The following IL16 variants were observed in gnomAD, a reference collection of about 807,000 sequenced individuals.
The protein encoded by IL16 is pro-interleukin-16.
Under a neutral mutation model 110.1 loss-of-function variants are expected in IL16, and 67 were observed. The ratio of observed to expected loss-of-function variants is 0.61; its 90% confidence interval spans 0.50 to 0.75. The LOEUF (loss-of-function observed/expected upper bound fraction) is 0.75. IL16 is among the 30% of genes least tolerant of loss of function. The pLI, the probability that IL16 is intolerant of heterozygous loss-of-function variation, is 0.00. For synonymous variants in IL16, 689 were observed against 662.9 expected, an observed-to-expected ratio of 1.04 and a Z score of -0.61; for missense variants, 1,545 against 1,655.0, an observed-to-expected ratio of 0.93 and a Z score of 1.15.
At chr15:81,216,055 A>G (rs912801295) in intron 1 of IL16, among the ~76,000 whole-genome samples, 1 of 152,150 alleles carries the variant, frequency 6.6e-6, no homozygotes, top group Admixed American at 6.5e-5. Context: ...TGCAGAACAG[A>G]TGTGCATCAT....
chr15:81,306,293 G>T, intron 17 of IL16, 127 bp downstream of exon 17: 1 of 1,519,728 alleles, frequency 6.6e-7, no homozygotes. Context: ...TACACTGCCT[G>T]AGACGTGTTT....
At chr15:81,278,559 G>A (rs1227201269) in intron 6 of IL16, among the ~76,000 whole-genome samples, 2 of 152,202 alleles carry the variant, frequency 1.3e-5, no homozygotes, top group African/African-American at 4.8e-5. Flanking sequence ...AGGTGGGCAA[G>A]GACCATATCC....
Position 81,303,575 on chromosome 15 carries a change from C to A in IL16, c.3345C>A (p.Ile1115=). The change falls in exon 16 of 19, where the codon ATC becomes ATA. Residue 1115 remains isoleucine, a synonymous_variant. Transcript: ENST00000683961. The surrounding 1 kb of genome is among the most constrained non-coding windows in gnomAD (Gnocchi z 4.1). ...LKQLDGIHVT[I]LHKEEGAGLG... The stretch of plus-strand genomic sequence containing the variant: ...AATTAGACGGCATCCATGTCACCAT[C>A]TTACACAAGGAGGAAGGTGCTGGTC... 6.2e-7 allele frequency: 1 copy of A among 1,613,812 alleles called. No individual in the cohort carries two copies. The highest frequency in any genetic ancestry group is 8.5e-7 in the Non-Finnish European group (1 of 1,179,636).
At chr15:81,237,501 A>G (rs780737556) in intron 2 of IL16, among the ~76,000 whole-genome samples, 2 of 152,220 alleles carry the variant, frequency 1.3e-5, no homozygotes, top group Non-Finnish European at 2.9e-5. Flanking sequence ...ATGAATTTGT[A>G]AGATGTATAC....
chr15:81,231,165 T>C (rs73499352), intron 2 of IL16, among the ~76,000 whole-genome samples: 12,131 of 151,620 alleles, frequency 0.08, 1,131 homozygotes, highest in African/African-American at 0.23. Flanking sequence ...AGCATAACAA[T>C]ATAACATAAT....
intron 6 of IL16, among the ~76,000 whole-genome samples, chr15:81,276,086 C>T (rs1898896391): frequency 6.6e-6 from 1 of 152,214 alleles, no homozygotes. Context: ...GTCTATCCTT[C>T]TTTCAGCACA....
chr15:81,303,381 A>G lies in IL16; in HGVS notation c.3319-168A>G, dbSNP rs1900391242. On this transcript the variant is annotated intron_variant, in intron 15 of 18. Transcript: ENST00000683961. This position sits in a 1 kb window ranked among gnomAD's most constrained non-coding sequence, Gnocchi z 4.1. ...TCTTCTAAGCTTCCCATGACTCCTG[A>G]AGGTCCATTCTTTACAGATGAGGAA... 1 of 588,328 alleles carries G rather than the reference A, an allele frequency of 1.7e-6. No individual in the cohort carries two copies. The highest frequency in any genetic ancestry group is 1.9e-5 in the African/African-American group (1 of 53,394). 36.4% of individuals were successfully genotyped at this position (588,328 alleles called of 1,614,324 possible). A position where few individuals can be genotyped will look rare whatever the true frequency, so the allele number is the denominator to read the frequency against.
intron 11 of IL16, 100 bp from the exon 12 acceptor site, chr15:81,292,456 G>T: frequency 6.5e-7 from 1 of 1,537,112 alleles, no homozygotes; most frequent in South Asian, 1.1e-5. Flanking sequence ...GCAGATGGCC[G>T]ATGTGCAGTG....
chr15:81,217,282 G>A (rs1319893379), intron 1 of IL16, among the ~76,000 whole-genome samples: 1 of 152,074 alleles, frequency 6.6e-6, no homozygotes, highest in Non-Finnish European at 1.5e-5. Flanking sequence ...AGTCTGTGAT[G>A]GACAACTTTA....
At chr15:81,233,358 T>C (rs557041059) in intron 2 of IL16, among the ~76,000 whole-genome samples, 61 of 152,110 alleles carry the variant, frequency 4.0e-4, no homozygotes, top group African/African-American at 1.4e-3. Flanking sequence ...TTTACTTACA[T>C]TGATGTGCGT....
chr15:81,269,498 A>G (rs370904447), intron 4 of IL16, 40 bp from the exon 5 acceptor site: 15 of 1,370,898 alleles, frequency 1.1e-5, no homozygotes, highest in East Asian at 4.6e-5. Flanking sequence ...CTGCTGTCCT[A>G]TGTGGCTAAT....
intron 10 of IL16, among the ~76,000 whole-genome samples, chr15:81,286,469 G>A (rs1042473830): frequency 2.6e-5 from 4 of 152,168 alleles, no homozygotes; most frequent in South Asian, 2.1e-4. Context: ...CTGGAATGTA[G>A]GGTACTAGGT....
intron 4 of IL16, 77 bp from the exon 5 acceptor site, chr15:81,269,460 GC>G (rs1185978188): frequency 1.0e-6 from 1 of 966,744 alleles, no homozygotes. Flanking sequence ...CTTTGGCTGG[GC>G]TTTTCCCCTT....
Position 81,308,805 on chromosome 15 carries a change from C to G in IL16, c.*7C>G. ...AGCTGCTGGAGACTCCTAGGCAGGA[C>G]ATGCTGAAGCCAAAGCCAATAACAC... On this transcript the variant is annotated 3_prime_UTR_variant, in exon 19 of 19. Transcript: ENST00000683961. 2 of 1,606,206 alleles carry G rather than the reference C, an allele frequency of 1.2e-6. No homozygotes were observed. The highest frequency in any genetic ancestry group is 1.1e-5 in the South Asian group (1 of 90,200).
intron 1 of IL16, among the ~76,000 whole-genome samples, chr15:81,210,697 A>G (rs559199550): frequency 2.6e-5 from 4 of 152,342 alleles, no homozygotes; most frequent in African/African-American, 9.6e-5. Context: ...TTGATTTTGT[A>G]TCCTGAAACC....
At chr15:81,301,092 G>A (rs1040457801) in intron 14 of IL16, among the ~76,000 whole-genome samples, 2 of 152,194 alleles carry the variant, frequency 1.3e-5, no homozygotes, top group African/African-American at 4.8e-5. Flanking sequence ...TAGGGTCCCT[G>A]CTGTAGGGCT....
At chr15:81,199,034 T>A (rs202086490) in intron 1 of IL16, among the ~76,000 whole-genome samples, 22,692 of 123,190 alleles carry the variant, frequency 0.18, 2,115 homozygotes, top group Non-Finnish European at 0.21. Flanking sequence ...AAAAAAAATA[T>A]ATATATATAT....
At chr15:81,265,382 A>C (rs1416612560) in intron 3 of IL16, among the ~76,000 whole-genome samples, 2 of 152,210 alleles carry the variant, frequency 1.3e-5, no homozygotes, top group East Asian at 3.8e-4. Context: ...ATTGACTTGC[A>C]GGAAATGCCT....
At chr15:81,238,754 C>G (rs1393247997) in intron 2 of IL16, among the ~76,000 whole-genome samples, 1 of 150,366 alleles carries the variant, frequency 6.7e-6, no homozygotes. Context: ...GACATTTTAT[C>G]ATTTTCTTTG....
Sources: allele counts gnomAD v4.1 joint callset (sites outside exome capture counted in the v4.1 genomes callset), GRCh38; gene constraint gnomAD v4.1.1; non-coding constraint Gnocchi (gnomAD v3.1); transcripts MANE v1.5; gene names NCBI Gene and HGNC (gene_info 2026-07-23, HGNC 2026-07-21).